ZNF385D: variants seen among roughly 807,000 people sequenced by gnomAD.
ZNF385D encodes zinc finger protein 659.
Under a neutral mutation model 35.8 loss-of-function variants are expected in ZNF385D, and 15 were observed. The ratio of observed to expected loss-of-function variants is 0.42; its 90% confidence interval spans 0.28 to 0.64. The LOEUF (loss-of-function observed/expected upper bound fraction) is 0.64, where lower values mean the gene tolerates loss of function less well. Among genes scored for constraint, ZNF385D ranks in the 30% least tolerant of loss-of-function variants. The pLI is 0.23. For missense variants in ZNF385D, 474 were observed against 494.6 expected (o/e 0.96, Z 0.39); for synonymous variants, 212 against 186.8 (o/e 1.13, Z -1.10).
rs150215075 is a variant in ZNF385D, at chr3:22,279,471, G to GTA, written c.106+92977_106+92978dup. 9.3e-3 allele frequency among the ~76,000 whole-genome samples: 1,247 copies of GTA among 133,410 alleles called. 23 individuals carry two copies. Among genetic ancestry groups the GTA allele is most frequent in the East Asian group, 0.061 (272 of 4,452 alleles). 87.5% of individuals were successfully genotyped at this position (133,410 alleles called of 152,430 possible). On this transcript the variant is annotated intron_variant, in intron 2 of 5. Coordinates refer to the ZNF385D transcript ENST00000494108. The stretch of plus-strand genomic sequence containing the variant: ...TTTTAAGGCTGAATAGTATTCCACA[G>GTA]TATATATATATATATGGAATATACA...
At chr3:21,802,180 A>G (rs990198989) in intron 3 of ZNF385D, among the ~76,000 whole-genome samples, 2 of 152,264 alleles carry the variant, frequency 1.3e-5, no homozygotes, top group South Asian at 2.1e-4. Context: ...ACATTAGCTA[A>G]TGTAGATTGC....
chr3:21,944,289 T>C (rs1701671653), intron 3 of ZNF385D, among the ~76,000 whole-genome samples: 1 of 152,200 alleles, frequency 6.6e-6, no homozygotes, highest in Non-Finnish European at 1.5e-5. Context: ...CTGCAGATTT[T>C]CTCTTGCCTT....
chr3:22,113,305 A>C (rs547162242), intron 3 of ZNF385D, among the ~76,000 whole-genome samples: 95 of 152,256 alleles, frequency 6.2e-4, no homozygotes, highest in African/African-American at 2.2e-3. Flanking sequence ...GGTAATGCTG[A>C]AACACCAAGG....
chr3:21,471,274 TTCTC>T (rs1292529107), intron 4 of ZNF385D, among the ~76,000 whole-genome samples: 40 of 104,824 alleles, frequency 3.8e-4, no homozygotes, highest in African/African-American at 1.4e-3. Flanking sequence ...CTCTCTCTCT[TTCTC>T]TCTCTCTCTC....
intron 2 of ZNF385D, chr3:21,580,048 T>A (rs1290910367): frequency 6.6e-6 from 1 of 152,166 alleles, no homozygotes; most frequent in Non-Finnish European, 1.5e-5. Context: ...ATGGAACGGA[T>A]GATATAAGAA....
chr3:22,117,017 A>C (rs1274063738), intron 3 of ZNF385D, among the ~76,000 whole-genome samples: 1 of 151,986 alleles, frequency 6.6e-6, no homozygotes, highest in African/African-American at 2.4e-5. Context: ...AAAGTTAAAT[A>C]AATTGTCCAG....
Position 22,234,886 on chromosome 3 carries a change from A to G in ZNF385D, c.107-65851T>C, listed in dbSNP as rs180837202. On this transcript the variant is annotated intron_variant, in intron 2 of 5. Transcript: ENST00000494108. ...ATCAACTATCCTGCATTATAATTCT[A>G]TAAGTTCTTAAATAATGTACTTAGA... Among the ~76,000 whole-genome samples, 24 of 152,202 alleles carry G rather than the reference A, an allele frequency of 1.6e-4. No homozygotes were observed. In the East Asian group the frequency reaches 3.9e-3, roughly 24 times the overall value.
chr3:22,015,634 T>C (rs988228621), intron 3 of ZNF385D, among the ~76,000 whole-genome samples: 1 of 152,126 alleles, frequency 6.6e-6, no homozygotes, highest in African/African-American at 2.4e-5. Context: ...AACACAAACA[T>C]CATCATTTCT....
At chr3:21,910,858 A>G (rs1158675431) in intron 3 of ZNF385D, among the ~76,000 whole-genome samples, 1 of 151,870 alleles carries the variant, frequency 6.6e-6, no homozygotes, top group Non-Finnish European at 1.5e-5. Flanking sequence ...GTAGAGTACT[A>G]AGCTTTAAGA....
At chr3:21,929,875 C>A (rs1277876572) in intron 3 of ZNF385D, among the ~76,000 whole-genome samples, 1 of 151,892 alleles carries the variant, frequency 6.6e-6, no homozygotes, top group African/African-American at 2.4e-5. Context: ...CAATACTATC[C>A]CAAATTGATC....
At chr3:21,602,207 A>G (rs1291273250) in intron 2 of ZNF385D, among the ~76,000 whole-genome samples, 1 of 152,038 alleles carries the variant, frequency 6.6e-6, no homozygotes, top group African/African-American at 2.4e-5. Flanking sequence ...AACTGCCCCC[A>G]TGATTCAATT....
intron 3 of ZNF385D, among the ~76,000 whole-genome samples, chr3:22,041,340 C>G (rs900800548): frequency 6.6e-6 from 1 of 151,924 alleles, no homozygotes; most frequent in Non-Finnish European, 1.5e-5. Flanking sequence ...CCATGCCCAC[C>G]CCAGAGAGAA....
intron 3 of ZNF385D, among the ~76,000 whole-genome samples, chr3:21,770,681 T>C (rs2071036794): frequency 6.6e-6 from 1 of 152,080 alleles, no homozygotes; most frequent in African/African-American, 2.4e-5. Context: ...GACAGTGTGG[T>C]TATTCCTCAG....
chr3:22,230,319 C>T (rs1439649977), intron 2 of ZNF385D, among the ~76,000 whole-genome samples: 4 of 152,064 alleles, frequency 2.6e-5, no homozygotes, highest in African/African-American at 9.7e-5. Flanking sequence ...GGAAAAGGTC[C>T]CTTATGTACA....
intron 3 of ZNF385D, among the ~76,000 whole-genome samples, chr3:22,164,025 C>A (rs952176881): frequency 1.3e-5 from 2 of 152,100 alleles, no homozygotes; most frequent in African/African-American, 4.8e-5. Context: ...GGGTTCATTT[C>A]TTATTCCCAA....
At chr3:22,150,691 C>T (rs1394570296) in intron 3 of ZNF385D, among the ~76,000 whole-genome samples, 1 of 152,070 alleles carries the variant, frequency 6.6e-6, no homozygotes, top group Non-Finnish European at 1.5e-5. Flanking sequence ...AGCTTGTCAT[C>T]AACTCATATA....
At chr3:21,840,301 A>T (rs1020702054) in intron 3 of ZNF385D, among the ~76,000 whole-genome samples, 5 of 152,100 alleles carry the variant, frequency 3.3e-5, no homozygotes, top group Non-Finnish European at 5.9e-5. Context: ...TTCAGACTTC[A>T]AAGACCTAAA....
At chr3:21,754,828 G>T (rs940588229), upstream of ZNF385D, among the ~76,000 whole-genome samples, 1 of 152,120 alleles carries the variant, frequency 6.6e-6, no homozygotes, top group African/African-American at 2.4e-5. Flanking sequence ...AAAGGTACCT[G>T]CTACTTGTCA....
chr3:22,236,264 G>C (rs1310685033), intron 2 of ZNF385D, among the ~76,000 whole-genome samples: 2 of 152,002 alleles, frequency 1.3e-5, no homozygotes, highest in African/African-American at 2.4e-5. Context: ...TATATATCTT[G>C]CTTATATATA....
Sources: allele counts gnomAD v4.1 joint callset (sites outside exome capture counted in the v4.1 genomes callset), GRCh38; gene constraint gnomAD v4.1.1; transcripts MANE v1.5; gene names NCBI Gene and HGNC (gene_info 2026-07-23, HGNC 2026-07-21).